Variants in CFAP44 observed in about 807,000 individuals in gnomAD.
CFAP44 encodes cilia- and flagella-associated protein 44.
Under a neutral mutation model 216.2 loss-of-function variants are expected in CFAP44, and 134 were observed. That is an observed-to-expected ratio of 0.62 (90% confidence interval 0.54 to 0.72). The LOEUF is 0.72. Among genes scored for constraint, CFAP44 ranks in the 30% least tolerant of loss-of-function variants. The pLI, the probability that CFAP44 is intolerant of heterozygous loss-of-function variation, is 0.00. For missense variants in CFAP44, 2,035 were observed against 2,182.1 expected, an observed-to-expected ratio of 0.93 and a Z score of 1.34; for synonymous variants, 700 against 727.6, an observed-to-expected ratio of 0.96 and a Z score of 0.61.
chr3:113,361,609 C>T (rs1191164030), intron 21 of CFAP44, among the ~76,000 whole-genome samples: 1 of 151,482 alleles, frequency 6.6e-6, no homozygotes, highest in Non-Finnish European at 1.5e-5. Flanking sequence ...CATTCTCCTG[C>T]CTCAGCCTCC....
chr3:113,295,268 G>A (rs184388098), intron 33 of CFAP44, among the ~76,000 whole-genome samples: 3 of 152,094 alleles, frequency 2.0e-5, no homozygotes, highest in East Asian at 1.9e-4. Flanking sequence ...TTGCTCCATC[G>A]GTTGCTCACT....
intron 27 of CFAP44, among the ~76,000 whole-genome samples, chr3:113,326,847 T>C (rs928330485): frequency 2.0e-5 from 3 of 152,146 alleles, no homozygotes; most frequent in African/African-American, 7.2e-5. Flanking sequence ...ATGTTTAGAA[T>C]TAGAAAATCA....
intron 15 of CFAP44, among the ~76,000 whole-genome samples, chr3:113,387,740 G>C (rs1003361202): frequency 6.6e-6 from 1 of 151,978 alleles, no homozygotes; most frequent in African/African-American, 2.4e-5. Context: ...GCACTAAGTG[G>C]GCACCTGGGG....
chr3:113,416,378 G>C, intron 6 of CFAP44, 147 bp downstream of exon 6: 1 of 655,050 alleles, frequency 1.5e-6, no homozygotes, highest in African/African-American at 1.9e-5. Flanking sequence ...GGTTAGTATT[G>C]TTGTGTGTGA....
chr3:113,419,600 A>G (rs1321089951), intron 5 of CFAP44, among the ~76,000 whole-genome samples: 4 of 152,156 alleles, frequency 2.6e-5, no homozygotes, highest in Admixed American at 6.5e-5. Context: ...TAGTCAATCT[A>G]TGTCTACATC....
intron 28 of CFAP44, among the ~76,000 whole-genome samples, chr3:113,313,990 T>C (rs917299976): frequency 4.6e-5 from 7 of 151,972 alleles, no homozygotes; most frequent in Admixed American, 2.6e-4. Context: ...GACTGAACAA[T>C]AGACATCATC....
chr3:113,410,158 T>A (rs1314300092), intron 6 of CFAP44, among the ~76,000 whole-genome samples: 1 of 152,202 alleles, frequency 6.6e-6, no homozygotes, highest in East Asian at 1.9e-4. Flanking sequence ...TTTTCTTTTT[T>A]TTTTATTATA....
chr3:113,407,305 T>A (rs985698798), intron 7 of CFAP44, among the ~76,000 whole-genome samples: 1 of 152,206 alleles, frequency 6.6e-6, no homozygotes, highest in South Asian at 2.1e-4. Flanking sequence ...CCTAATGCAG[T>A]ACCCTCCAGC....
At position 113,289,254 on chromosome 3, in the gene CFAP44, A is replaced by G. The variant is rs1326608337; in HGVS notation, c.*2303T>C. The stretch of plus-strand genomic sequence containing the variant: ...AGTAATTCAGTGTTAACTGTCGTCA[A>G]TTCCCAAACATGCGGAATGAAGCCC... On this transcript the variant is annotated 3_prime_UTR_variant, in exon 35 of 35. Coordinates refer to ENST00000393845, the MANE Select transcript of CFAP44 (RefSeq NM_001164496.2). The G allele has an allele frequency of 6.6e-6, 1 of 152,250 alleles. No individual in the cohort carries two copies. The highest frequency in any genetic ancestry group is 1.5e-5 in the Non-Finnish European group (1 of 68,040). 9.4% of individuals were successfully genotyped at this position (152,250 alleles called of 1,614,324 possible).
intron 2 of CFAP44, among the ~76,000 whole-genome samples, chr3:113,432,469 A>G (rs960981173): frequency 6.6e-6 from 1 of 152,220 alleles, no homozygotes; most frequent in Admixed American, 6.5e-5. Flanking sequence ...CCTGCTTAAC[A>G]GCCTTCTCTA....
chr3:113,383,613 T>C (rs559863885), intron 15 of CFAP44, among the ~76,000 whole-genome samples: 532 of 152,214 alleles, frequency 3.5e-3, no homozygotes, highest in Non-Finnish European at 6.5e-3. Context: ...GAGTGAACTA[T>C]TAAGTTAGGA....
At chr3:113,292,064 A>G (rs1199397299) in intron 34 of CFAP44, among the ~76,000 whole-genome samples, 1 of 152,156 alleles carries the variant, frequency 6.6e-6, no homozygotes, top group Non-Finnish European at 1.5e-5. Flanking sequence ...TTTTCTGGAC[A>G]GCCCATATTT....
chr3:113,409,609 G>C (rs1934396844), intron 6 of CFAP44, among the ~76,000 whole-genome samples: 1 of 152,154 alleles, frequency 6.6e-6, no homozygotes, highest in African/African-American at 2.4e-5. Flanking sequence ...TTAGATAGCA[G>C]TGTCAGAAAC....
Position 113,308,360 on chromosome 3 carries a change from T to C in CFAP44, c.4517-92A>G, listed in dbSNP as rs894864442. On this transcript the variant is annotated intron_variant, in intron 28 of 34. Transcript: ENST00000393845. ...AGTAAACTATTTTTCAATGAGTTAGTCACTAGAAAAATAACTCAATATAAG... is the reference window on the plus strand; with the variant it reads ...AGTAAACTATTTTTCAATGAGTTAGCCACTAGAAAAATAACTCAATATAAG... 24 of 1,038,972 alleles carry C rather than the reference T, an allele frequency of 2.3e-5. No individual in the cohort carries two copies. The Admixed American group carries it at 5.0e-4, about 22-fold the overall frequency. The allele number at this position is 1,038,972 out of a possible 1,614,324, so 64.4% of individuals were successfully genotyped here. A position where few individuals can be genotyped will look rare whatever the true frequency, so the allele number is the denominator to read the frequency against.
At chr3:113,363,646 A>C (rs1950562433) in intron 19 of CFAP44, 114 bp from the exon 20 acceptor site, 1 of 894,208 alleles carries the variant, frequency 1.1e-6, no homozygotes, top group Admixed American at 3.4e-5. Context: ...TTTTTCTGCC[A>C]ATTTCTAATA....
chr3:113,352,210 A>G (rs2107829172), intron 22 of CFAP44, among the ~76,000 whole-genome samples: 1 of 152,264 alleles, frequency 6.6e-6, no homozygotes, highest in East Asian at 1.9e-4. Context: ...CACTCTGTAA[A>G]ATGGACCAAT....
In CFAP44 at chr3:113,291,283, C is replaced by A. The variant is rs1949826394; in HGVS notation, c.*274G>T. 3.4e-6 allele frequency: 1 copy of A among 289,958 alleles called. No individual in the cohort carries two copies. Among genetic ancestry groups the A allele is most frequent in the East Asian group, 5.8e-5 (1 of 17,368 alleles). 18.0% of individuals were successfully genotyped at this position (289,958 alleles called of 1,614,324 possible). On this transcript the variant is annotated 3_prime_UTR_variant, in exon 35 of 35. Coordinates refer to ENST00000393845, the MANE Select transcript of CFAP44 (RefSeq NM_001164496.2). ...TATATTACAGGTGATTTGCTGCAAT[C>A]ATGAAACACAGCCTTCCGAGACTTC...
rs1933489447 is a variant in CFAP44 at position 113,380,928 on chromosome 3, G to A, written c.2023C>T (p.His675Tyr). 1 of 1,582,870 alleles carries A rather than the reference G, an allele frequency of 6.3e-7. No homozygotes were observed. Among genetic ancestry groups the A allele is most frequent in the South Asian group, 1.2e-5 (1 of 83,502 alleles). ...EIKDMCIKCFHFSSVKSKILR... is the reference protein window; with the variant it reads ...EIKDMCIKCFYFSSVKSKILR... ...ATCTTAGATTTGACACTTGAAAAAT[G>A]GAAACATTTTATGCACATGTCTTTG... is the stretch of plus-strand genomic sequence containing the variant. Residue 675 changes from histidine (H) to tyrosine (Y), a missense_variant, in exon 16 of 35, where the codon CAT becomes TAT. By Grantham distance (83) the His-to-Tyr change is moderately conservative. This residue lies in a region of CFAP44 where 1,883 missense variants were observed against 2,023.7 expected (regional missense o/e 0.93). Coordinates refer to ENST00000393845, the MANE Select transcript of CFAP44 (RefSeq NM_001164496.2).
At chr3:113,349,811 T>C (rs1950425304) in intron 22 of CFAP44, among the ~76,000 whole-genome samples, 1 of 152,216 alleles carries the variant, frequency 6.6e-6, no homozygotes, top group Admixed American at 6.5e-5. Context: ...TGCAGCTTTC[T>C]CAGTGTTAAT....
Sources: allele counts gnomAD v4.1 joint callset (sites outside exome capture counted in the v4.1 genomes callset), GRCh38; gene constraint gnomAD v4.1.1; regional missense constraint gnomAD v4.1.1; transcripts MANE v1.5; gene names NCBI Gene and HGNC (gene_info 2026-07-23, HGNC 2026-07-21).